PKNOX1: variants seen among roughly 807,000 people sequenced by gnomAD.
PKNOX1 encodes the protein homeobox protein PKNOX1.
Under a neutral mutation model 51.9 loss-of-function variants are expected in PKNOX1, and 15 were observed. The ratio of observed to expected loss-of-function variants is 0.29; its 90% CI spans 0.19 to 0.45. PKNOX1 has a LOEUF of 0.45. Among genes scored for constraint, PKNOX1 ranks in the 20% least tolerant of loss-of-function variants. The pLI is 1.00. For missense variants in PKNOX1, 462 were observed against 547.5 expected (o/e 0.84, Z 1.56); for synonymous variants, 219 against 211.1 (o/e 1.04, Z -0.32).
chr21:43,001,070 GGA>G (rs954288007), intron 1 of PKNOX1, among the ~76,000 whole-genome samples: 4 of 152,214 alleles, frequency 2.6e-5, no homozygotes, highest in African/African-American at 9.6e-5. Context: ...GAGATTTGGA[GGA>G]GAGCCAGGTT....
Position 42,986,581 on chromosome 21 carries a change from G to A in PKNOX1, c.-57+11917G>A, listed in dbSNP as rs545443554. On this transcript the variant is annotated intron_variant, in intron 1 of 10. Coordinates refer to ENST00000291547, the MANE Select transcript of PKNOX1 (RefSeq NM_004571.5). ...ATTGACTGAACATCTCTTTGGAATAGGAGCTGTGGAAGCCAGGGTGGAAGA... is the reference window on the plus strand; with the variant it reads ...ATTGACTGAACATCTCTTTGGAATAAGAGCTGTGGAAGCCAGGGTGGAAGA... Among the ~76,000 whole-genome samples the A allele has an allele frequency of 3.3e-5, 5 of 152,176 alleles. No individual in the cohort carries two copies. The South Asian group carries it at 8.3e-4, about 25-fold the overall frequency.
chr21:43,011,579 A>T (rs1415052234), intron 4 of PKNOX1, among the ~76,000 whole-genome samples: 2 of 152,186 alleles, frequency 1.3e-5, no homozygotes, highest in Non-Finnish European at 2.9e-5. Flanking sequence ...CTCTCCTGCC[A>T]GAGTGTAACC....
rs530596299 is a variant in PKNOX1, at chr21:43,020,906, T to C, written c.721-397T>C. Among the ~76,000 whole-genome samples the C allele has an allele frequency of 6.6e-5, 10 of 152,264 alleles. 1 individual carries two copies. In the South Asian group the frequency reaches 2.1e-3, roughly 32 times the overall value. ...AAGTCACTAGTGCAAAGACTTATCA[T>C]GTGCCAGCCTGGGCAACAGGGCGAG... On this transcript the variant is annotated intron_variant, in intron 7 of 10. Coordinates refer to ENST00000291547, the MANE Select transcript of PKNOX1 (RefSeq NM_004571.5).
At chr21:42,999,689 C>T (rs754739738) in intron 1 of PKNOX1, among the ~76,000 whole-genome samples, 1 of 152,076 alleles carries the variant, frequency 6.6e-6, no homozygotes, top group South Asian at 2.1e-4. Flanking sequence ...CCATGTTGGT[C>T]AGGCTGGTCT....
chr21:43,013,073 A>G lies in PKNOX1; in HGVS notation c.357A>G (p.Val119=). The stretch of plus-strand genomic sequence containing the variant: ...CTTCATTTTCTCTGCTCTAGATGGT[A>G]AAAGCAATCCAGGTTTTGCGCATTC... ...CEDPETDNLM[V]KAIQVLRIHL... The change falls in exon 5 of 11, where the codon GTA becomes GTG. Residue 119 remains valine (V), a synonymous_variant. Coordinates refer to ENST00000291547, the MANE Select transcript of PKNOX1 (RefSeq NM_004571.5). 1 of 1,606,676 alleles carries G rather than the reference A, an allele frequency of 6.2e-7. No homozygotes were observed. The highest frequency in any genetic ancestry group is 2.2e-5 in the East Asian group (1 of 44,668).
chr21:42,977,482 TTATGGGG>T, intron 1 of PKNOX1, among the ~76,000 whole-genome samples: 1 of 151,886 alleles, frequency 6.6e-6, no homozygotes, highest in African/African-American at 2.4e-5. Flanking sequence ...TACTTTCGTG[TTATGGGG>T]ACAGCTTCTT....
chr21:42,995,527 A>C (rs978249648), intron 1 of PKNOX1, among the ~76,000 whole-genome samples: 15 of 127,354 alleles, frequency 1.2e-4, no homozygotes, highest in African/African-American at 4.0e-4. Context: ...AAAATGCAAA[A>C]ATTAGCCAGG....
At chr21:42,993,601 C>T (rs1978337353) in intron 1 of PKNOX1, among the ~76,000 whole-genome samples, 1 of 147,578 alleles carries the variant, frequency 6.8e-6, no homozygotes, top group South Asian at 2.1e-4. Flanking sequence ...TGCCTTATTT[C>T]TCCTGCTCCC....
intron 1 of PKNOX1, among the ~76,000 whole-genome samples, chr21:43,002,410 T>G (rs9984050): frequency 2.8e-5 from 1 of 35,554 alleles, no homozygotes; most frequent in African/African-American, 6.8e-5. Flanking sequence ...CTGTGCCCCC[T>G]CCCTTGTATC....
intron 1 of PKNOX1, among the ~76,000 whole-genome samples, chr21:42,988,069 T>C (rs898846423): frequency 1.3e-5 from 2 of 151,788 alleles, no homozygotes; most frequent in Admixed American, 6.6e-5. Flanking sequence ...TGTTTTTGTT[T>C]TTGAGACGGA....
chr21:43,020,208 C>T (rs1436525811), intron 7 of PKNOX1, among the ~76,000 whole-genome samples: 2 of 152,224 alleles, frequency 1.3e-5, no homozygotes, highest in African/African-American at 4.8e-5. Flanking sequence ...ACTGGGATTA[C>T]AGGTGTGAGC....
intron 1 of PKNOX1, among the ~76,000 whole-genome samples, chr21:42,987,733 C>T (rs1016052497): frequency 1.3e-5 from 2 of 151,204 alleles, no homozygotes; most frequent in African/African-American, 2.4e-5. Context: ...ATTCTCCTGC[C>T]TCAGCCTACA....
intron 1 of PKNOX1, among the ~76,000 whole-genome samples, chr21:42,984,371 T>C (rs1424849528): frequency 2.0e-5 from 3 of 152,212 alleles, no homozygotes; most frequent in Admixed American, 1.3e-4. Flanking sequence ...TCATACACTT[T>C]TGTGAGTCCA....
intron 1 of PKNOX1, among the ~76,000 whole-genome samples, chr21:42,983,704 C>T (rs1273237806): frequency 6.6e-6 from 1 of 152,090 alleles, no homozygotes; most frequent in East Asian, 1.9e-4. Context: ...TTTAGGGAAC[C>T]TCCATCCGAT....
intron 1 of PKNOX1, among the ~76,000 whole-genome samples, chr21:42,999,599 G>GA (rs1978657916): frequency 6.6e-6 from 1 of 151,970 alleles, no homozygotes; most frequent in Non-Finnish European, 1.5e-5. Context: ...TCCCGCCTCA[G>GA]CCTCCTGAGT....
chr21:43,028,577 G>A, intron 9 of PKNOX1, 125 bp from the exon 10 acceptor site: 1 of 827,924 alleles, frequency 1.2e-6, no homozygotes, highest in East Asian at 2.4e-5. Context: ...TACTATAGTG[G>A]AGAACTTGAG....
At chr21:43,023,103 C>T (rs1979834546) in intron 8 of PKNOX1, among the ~76,000 whole-genome samples, 1 of 151,924 alleles carries the variant, frequency 6.6e-6, no homozygotes, top group Non-Finnish European at 1.5e-5. Flanking sequence ...TTGGCAGCGC[C>T]GACCCCCTGT....
At chr21:43,017,101 C>A in intron 6 of PKNOX1, 94 bp downstream of exon 6, 3 of 805,162 alleles carry the variant, frequency 3.7e-6, no homozygotes, top group South Asian at 3.2e-5. Flanking sequence ...ATTTCAAGTT[C>A]ATGCCATTTT....
chr21:42,985,708 CAA>C (rs2059048849), intron 1 of PKNOX1, among the ~76,000 whole-genome samples: 1 of 150,090 alleles, frequency 6.7e-6, no homozygotes, highest in Non-Finnish European at 1.5e-5. Context: ...TCTGTTAAAA[CAA>C]ATTGCAGGCC....
Sources: allele counts gnomAD v4.1 joint callset (sites outside exome capture counted in the v4.1 genomes callset), GRCh38; gene constraint gnomAD v4.1.1; transcripts MANE v1.5; gene names NCBI Gene and HGNC (gene_info 2026-07-23, HGNC 2026-07-21).